Variants in XIAP observed in about 807,000 individuals in gnomAD.
XIAP encodes E3 ubiquitin-protein ligase XIAP.
XIAP carries 3 observed loss-of-function variants against 33.1 expected under a neutral mutation model. That is an observed-to-expected ratio of 0.09 (90% confidence interval 0.04 to 0.23). The LOEUF is 0.23. Ranked by LOEUF, XIAP falls within the 10% of genes least tolerant of loss-of-function variation. XIAP has a pLI of 1.00. For missense variants in XIAP, 264 were observed against 363.0 expected (o/e 0.73, Z 2.22); for synonymous variants, 98 against 121.3 (o/e 0.81, Z 1.26).
chrX:123,899,381 T>C (rs2053496931), intron 5 of XIAP, among the ~76,000 whole-genome samples: 1 of 103,730 alleles, frequency 9.6e-6, no homozygotes, highest in Non-Finnish European at 1.9e-5. Context: ...TTAACATATA[T>C]ATGTTAAAAT....
In XIAP at chrX:123,912,302, A is replaced by G. The variant is rs2053610915; in HGVS notation, c.*5121A>G. 3.2e-6 allele frequency: 1 copy of G among 315,078 alleles called. No individual in the cohort carries two copies. Among genetic ancestry groups the G allele is most frequent in the South Asian group, 2.9e-5 (1 of 35,031 alleles). 26.0% of individuals were successfully genotyped at this position (315,078 alleles called of 1,213,427 possible). ...AAAATTGTCATACTGTTGTTAAGCAACAGTATAACAACTATTTACATAGCA... is the reference window on the plus strand; with the variant it reads ...AAAATTGTCATACTGTTGTTAAGCAGCAGTATAACAACTATTTACATAGCA... On this transcript the variant is annotated 3_prime_UTR_variant, in exon 7 of 7. Transcript: ENST00000371199.
In XIAP at chrX:123,912,830, A is replaced by G. The variant is rs774754642; in HGVS notation, c.*5649A>G. 10 of 318,344 alleles carry G rather than the reference A, an allele frequency of 3.1e-5. No individual in the cohort carries two copies. In the East Asian group the frequency reaches 6.0e-4, roughly 19 times the overall value. 26.2% of individuals were successfully genotyped at this position (318,344 alleles called of 1,213,427 possible). On this transcript the variant is annotated 3_prime_UTR_variant, in exon 7 of 7. Coordinates refer to ENST00000371199, the MANE Select transcript of XIAP (RefSeq NM_001167.4). Reference sequence around the variant, plus strand: ...ACGGTGCCCAGTTAATTTTTTTTGTATTCTTAGTAGAGACAGGGTTTCACC... The same window carrying G: ...ACGGTGCCCAGTTAATTTTTTTTGTGTTCTTAGTAGAGACAGGGTTTCACC...
At chrX:123,900,248 G>A (rs1050645123) in intron 5 of XIAP, among the ~76,000 whole-genome samples, 3 of 111,558 alleles carry the variant, frequency 2.7e-5, no homozygotes, top group South Asian at 3.7e-4. Flanking sequence ...ACCTTGCATC[G>A]TTTCAAACAC....
intron 1 of XIAP, among the ~76,000 whole-genome samples, chrX:123,877,106 C>T (rs1478006857): frequency 1.3e-4 from 14 of 107,251 alleles, no homozygotes; most frequent in Non-Finnish European, 2.5e-4. Context: ...TGCTCTGTCA[C>T]CCAGGCTGGA....
intron 1 of XIAP, among the ~76,000 whole-genome samples, chrX:123,867,818 C>T (rs1437542226): frequency 9.2e-6 from 1 of 108,710 alleles, no homozygotes; most frequent in African/African-American, 3.4e-5. Flanking sequence ...GGATTACAGG[C>T]GCACGCACAA....
Position 123,907,077 on chromosome X carries a change from C to T in XIAP, c.1390C>T (p.Pro464Ser). The T allele has an allele frequency of 8.3e-7, 1 of 1,211,063 alleles. No individual in the cohort carries two copies. Among genetic ancestry groups the T allele is most frequent in the Non-Finnish European group, 1.1e-6 (1 of 895,044 alleles). Residue 464 changes from proline to serine, a missense_variant, in exon 7 of 7, where the codon CCT becomes TCT. Transcript: ENST00000371199. Reference protein sequence around the residue: ...MDRNIAIVFVPCGHLVTCKQC... With the variant: ...MDRNIAIVFVSCGHLVTCKQC... The stretch of plus-strand genomic sequence containing the variant: ...TAGAAATATTGCTATCGTTTTTGTT[C>T]CTTGTGGACATCTAGTCACTTGTAA...
At chrX:123,870,049 G>A (rs1305009268) in intron 1 of XIAP, among the ~76,000 whole-genome samples, 1 of 112,182 alleles carries the variant, frequency 8.9e-6, no homozygotes, top group African/African-American at 3.2e-5. Context: ...AACCTCTGCC[G>A]CCCAGGTTCA....
rs1371888770 is a variant in XIAP at position 123,886,656 on chromosome X, T to TTA, written c.877+127_877+128dup. The TTA allele has an allele frequency of 4.2e-5, 32 of 763,443 alleles. No individual in the cohort carries two copies. In the Middle Eastern group the frequency reaches 1.8e-3, roughly 43 times the overall value. 62.9% of individuals were successfully genotyped at this position (763,443 alleles called of 1,213,427 possible). ...AATATTTAGGTATAACTTGGCATGA[T>TTA]TATATATATATCTGTATTATTCCGT... On this transcript the variant is annotated intron_variant, in intron 2 of 6. Transcript: ENST00000371199.
In XIAP at chrX:123,910,225, C is replaced by T. The variant is rs1370471862; in HGVS notation, c.*3044C>T. The T allele has an allele frequency of 6.1e-6, 2 of 327,850 alleles. No homozygotes were observed. The highest frequency in any genetic ancestry group is 1.2e-5 in the Non-Finnish European group (2 of 169,747). The allele number at this position is 327,850 out of a possible 1,213,427, so 27.0% of individuals were successfully genotyped here. A position where few individuals can be genotyped will look rare whatever the true frequency, so the allele number is the denominator to read the frequency against. ...TAGCTTTATATTGCCTTTCCTGCTA[C>T]ATTTGGTTTTTTCCCCTGTCCCTTT... is the stretch of plus-strand genomic sequence containing the variant. On this transcript the variant is annotated 3_prime_UTR_variant, in exon 7 of 7. Coordinates refer to ENST00000371199, the MANE Select transcript of XIAP (RefSeq NM_001167.4).
intron 1 of XIAP, among the ~76,000 whole-genome samples, chrX:123,862,015 A>C (rs1490731780): frequency 8.9e-6 from 1 of 112,392 alleles, no homozygotes; most frequent in Non-Finnish European, 1.9e-5. Flanking sequence ...CAGTGGTAGC[A>C]CATATACTAA....
intron 1 of XIAP, among the ~76,000 whole-genome samples, chrX:123,879,700 C>G (rs1162009021): frequency 9.0e-6 from 1 of 111,706 alleles, no homozygotes; most frequent in Non-Finnish European, 1.9e-5. Context: ...AACATTTTCT[C>G]GATTTATTTA....
At chrX:123,897,067 G>C (rs368677475) in intron 5 of XIAP, among the ~76,000 whole-genome samples, 27 of 108,050 alleles carry the variant, frequency 2.5e-4, no homozygotes, top group African/African-American at 8.1e-4. Flanking sequence ...CAGTAGCTGG[G>C]ATTACAGGCG....
At chrX:123,905,887 TG>T (rs749943905) in intron 6 of XIAP, among the ~76,000 whole-genome samples, 17 of 112,473 alleles carry the variant, frequency 1.5e-4, no homozygotes, top group African/African-American at 4.5e-4. Flanking sequence ...CAAACGCCAG[TG>T]TGCCCAACCC....
intron 6 of XIAP, among the ~76,000 whole-genome samples, chrX:123,904,243 TTTGTTTTTAACTCG>T (rs1442424127): frequency 1.8e-5 from 2 of 111,908 alleles, no homozygotes. Flanking sequence ...AGCCTGTTTG[TTTGTTTTTAACTCG>T]TTGTAGCATT....
chrX:123,906,491 C>A (rs1382946610), intron 6 of XIAP, among the ~76,000 whole-genome samples: 1 of 112,042 alleles, frequency 8.9e-6, no homozygotes, highest in Non-Finnish European at 1.9e-5. Flanking sequence ...TCCAGTCAGT[C>A]ACCCAATCCT....
intron 4 of XIAP, among the ~76,000 whole-genome samples, chrX:123,891,817 A>C (rs2053410687): frequency 1.4e-5 from 1 of 69,933 alleles, no homozygotes; most frequent in Non-Finnish European, 2.5e-5. Context: ...GGGAAACCCT[A>C]TCTCTTAAAA....
intron 1 of XIAP, among the ~76,000 whole-genome samples, chrX:123,883,169 G>A (rs1247431631): frequency 2.7e-5 from 3 of 110,063 alleles, no homozygotes; most frequent in South Asian, 3.8e-4. Flanking sequence ...TGCAACCTCC[G>A]CTCCCCGGGT....
At chrX:123,887,152 C>T (rs992508390) in intron 2 of XIAP, among the ~76,000 whole-genome samples, 10 of 112,009 alleles carry the variant, frequency 8.9e-5, no homozygotes, top group African/African-American at 3.2e-4. Flanking sequence ...CTCCTGACCT[C>T]AGGTGATCCA....
At chrX:123,860,934 A>G (rs760097736) in intron 1 of XIAP, among the ~76,000 whole-genome samples, 221 of 111,960 alleles carry the variant, frequency 2.0e-3, no homozygotes, top group Non-Finnish European at 3.1e-3. Flanking sequence ...AGATTTTAAT[A>G]ATCTAGTAGT....
Sources: allele counts gnomAD v4.1 joint callset (sites outside exome capture counted in the v4.1 genomes callset), GRCh38; gene constraint gnomAD v4.1.1; transcripts MANE v1.5; gene names NCBI Gene and HGNC (gene_info 2026-07-23, HGNC 2026-07-21).